LTBP1: variants seen among roughly 807,000 people sequenced by gnomAD.
LTBP1 encodes the protein latent-transforming growth factor beta-binding protein 1.
LTBP1 carries 129 observed loss-of-function variants against 207.6 expected under a neutral mutation model. The ratio of observed to expected loss-of-function variants is 0.62; its 90% CI spans 0.54 to 0.72. The LOEUF (loss-of-function observed/expected upper bound fraction) is 0.72, where lower values mean the gene tolerates loss of function less well. Among genes scored for constraint, LTBP1 ranks in the 30% least tolerant of loss-of-function variants. LTBP1 has a pLI of 0.00. For missense variants in LTBP1, 2,281 were observed against 2,217.2 expected (o/e 1.03, Z -0.58); for synonymous variants, 963 against 833.7 (o/e 1.16, Z -2.67).
intron 3 of LTBP1, among the ~76,000 whole-genome samples, chr2:33,077,917 T>C (rs1191818283): frequency 6.6e-6 from 1 of 152,180 alleles, no homozygotes; most frequent in Admixed American, 6.5e-5. Flanking sequence ...GCAGCTTGGG[T>C]ATCAGTCCAC....
At chr2:33,298,092 C>G (rs75953511) in intron 20 of LTBP1, among the ~76,000 whole-genome samples, 8 of 152,090 alleles carry the variant, frequency 5.3e-5, no homozygotes, top group Non-Finnish European at 1.0e-4. Flanking sequence ...ATTCTTGGCA[C>G]AAAAGAAAGA....
At chr2:33,063,962 T>C (rs1236938107) in intron 3 of LTBP1, among the ~76,000 whole-genome samples, 2 of 152,022 alleles carry the variant, frequency 1.3e-5, no homozygotes, top group Non-Finnish European at 2.9e-5. Context: ...CAAGTGACTC[T>C]CCTGCCTCAG....
intron 5 of LTBP1, among the ~76,000 whole-genome samples, chr2:33,186,384 C>G (rs1382308767): frequency 6.6e-6 from 1 of 152,108 alleles, no homozygotes; most frequent in African/African-American, 2.4e-5. Context: ...TATTTAATCT[C>G]CATTGTATGC....
intron 31 of LTBP1, among the ~76,000 whole-genome samples, chr2:33,374,118 T>A (rs72861443): frequency 0.01 from 1,554 of 152,278 alleles, 34 homozygotes; most frequent in African/African-American, 0.036. Context: ...TGGACTAAAC[T>A]TGAAAAAATA....
Position 33,186,992 on chromosome 2 carries a change from C to G in LTBP1, c.1338C>G (p.Ser446=), listed in dbSNP as rs986891885. The change falls in exon 6 of 34, where the codon TCC becomes TCG. Residue 446 remains serine, a synonymous_variant. Coordinates refer to ENST00000404816, the MANE Select transcript of LTBP1 (RefSeq NM_206943.4). ...GCGTGCCTAAACTTTATCAGCATTC[C>G]CAGCAGCCAGGCAAGGCGTTGGGGA... The part of the protein sequence containing the change: ...GASVPKLYQH[S]QQPGKALGTH... 6.2e-7 allele frequency: 1 copy of G among 1,614,144 alleles called. No homozygotes were observed. Among genetic ancestry groups the G allele is most frequent in the Non-Finnish European group, 8.5e-7 (1 of 1,180,024 alleles).
At chr2:33,326,012 T>C (rs2094421773) in intron 24 of LTBP1, among the ~76,000 whole-genome samples, 1 of 152,162 alleles carries the variant, frequency 6.6e-6, no homozygotes, top group Non-Finnish European at 1.5e-5. Context: ...TTTAGAAATA[T>C]ACTTTGGTTC....
At chr2:33,127,478 A>G (rs1456961069) in intron 4 of LTBP1, among the ~76,000 whole-genome samples, 1 of 151,984 alleles carries the variant, frequency 6.6e-6, no homozygotes, top group African/African-American at 2.4e-5. Context: ...CCATCTTCCC[A>G]TGGATTCTCA....
At chr2:33,118,824 T>G (rs906810394) in intron 4 of LTBP1, among the ~76,000 whole-genome samples, 1 of 152,116 alleles carries the variant, frequency 6.6e-6, no homozygotes, top group African/African-American at 2.4e-5. Flanking sequence ...TTGATAACAT[T>G]CCAGTTCAGG....
intron 2 of LTBP1, among the ~76,000 whole-genome samples, chr2:32,986,274 G>C (rs1250510732): frequency 6.6e-6 from 1 of 152,178 alleles, no homozygotes; most frequent in African/African-American, 2.4e-5. Context: ...TGGACTAGAG[G>C]TGAATGCAGA....
intron 2 of LTBP1, among the ~76,000 whole-genome samples, chr2:32,956,493 C>T (rs554798017): frequency 2.0e-5 from 3 of 152,284 alleles, no homozygotes; most frequent in East Asian, 1.9e-4. Context: ...TCTTCAAGTT[C>T]GAACATGAGA....
At chr2:33,205,471 G>A (rs1022143375) in intron 7 of LTBP1, among the ~76,000 whole-genome samples, 2 of 152,182 alleles carry the variant, frequency 1.3e-5, no homozygotes, top group Non-Finnish European at 2.9e-5. Flanking sequence ...CAAAGTTTAC[G>A]TTTTGTGTGC....
At position 33,274,999 on chromosome 2, in the gene LTBP1, C is replaced by G; in HGVS notation, c.2778C>G (p.Cys926Trp). ...IDECTQVQHL[C>W]SQGRCENTEG... ...AGTGTACTCAGGTCCAACACCTCTG[C>G]TCCCAGGGCCGCTGTGAAAACACCG... The change falls in exon 17 of 34, where the codon TGC (cysteine) becomes TGG (tryptophan). Residue 926 changes from cysteine to tryptophan, a missense_variant. Physicochemically the swap from Cys to Trp is radical, Grantham distance 215 (BLOSUM62 -2). Transcript: ENST00000404816. The G allele has an allele frequency of 6.2e-7, 1 of 1,614,074 alleles. No homozygotes were observed. The highest frequency in any genetic ancestry group is 8.5e-7 in the Non-Finnish European group (1 of 1,179,956).
intron 2 of LTBP1, among the ~76,000 whole-genome samples, chr2:32,957,676 G>A (rs960755378): frequency 1.3e-5 from 2 of 152,168 alleles, no homozygotes; most frequent in African/African-American, 4.8e-5. Flanking sequence ...GTGACACAGA[G>A]ACAGAAAGTG....
chr2:33,034,928 A>G (rs185234104), intron 3 of LTBP1, among the ~76,000 whole-genome samples: 21 of 152,298 alleles, frequency 1.4e-4, no homozygotes, highest in Non-Finnish European at 2.6e-4. Context: ...TTGCTTTTCA[A>G]TGTTCTTCAG....
intron 3 of LTBP1, among the ~76,000 whole-genome samples, chr2:33,053,617 T>C (rs1331996572): frequency 1.3e-5 from 2 of 152,018 alleles, no homozygotes; most frequent in Non-Finnish European, 2.9e-5. Context: ...GGATCCATAG[T>C]CGGCAAAAGC....
chr2:33,047,319 G>A (rs572114105), intron 3 of LTBP1, among the ~76,000 whole-genome samples: 144 of 152,124 alleles, frequency 9.5e-4, no homozygotes, highest in Non-Finnish European at 1.8e-3. Context: ...TTGTGTCTTT[G>A]TTCTCATTGG....
chr2:33,319,482 G>C (rs2094322025), intron 24 of LTBP1, among the ~76,000 whole-genome samples: 1 of 152,138 alleles, frequency 6.6e-6, no homozygotes, highest in South Asian at 2.1e-4. Context: ...ATGTGTGTGG[G>C]AGAAAATTAG....
chr2:33,333,262 A>G (rs542521843), intron 24 of LTBP1, among the ~76,000 whole-genome samples: 1 of 152,198 alleles, frequency 6.6e-6, no homozygotes, highest in Non-Finnish European at 1.5e-5. Flanking sequence ...TGGTTCAGAA[A>G]ATAATTTTGT....
intron 10 of LTBP1, among the ~76,000 whole-genome samples, chr2:33,244,999 C>T (rs916224542): frequency 6.6e-6 from 1 of 152,206 alleles, no homozygotes; most frequent in Non-Finnish European, 1.5e-5. Flanking sequence ...CTACCTCAGC[C>T]TCCCAAGTAG....
Sources: gnomAD v4.1 joint callset for allele counts (sites outside exome capture counted in the v4.1 genomes callset) on GRCh38, gnomAD v4.1.1 for gene constraint, MANE v1.5 for transcripts, NCBI Gene and HGNC (gene_info 2026-07-23, HGNC 2026-07-21) for gene names.